The following SBF2 variants were observed in gnomAD, a reference collection of about 807,000 sequenced individuals.
The protein encoded by SBF2 is myotubularin-related protein 13.
SBF2 carries 112 observed loss-of-function variants against 225.2 expected under a neutral mutation model. The ratio of observed to expected loss-of-function variants is 0.50; its 90% CI spans 0.43 to 0.58. The LOEUF (loss-of-function observed/expected upper bound fraction) is 0.58, where lower values mean the gene tolerates loss of function less well. Ranked by LOEUF, SBF2 falls within the 20% of genes least tolerant of loss-of-function variation. The pLI is 0.00. For synonymous variants in SBF2, 763 were observed against 773.3 expected, an observed-to-expected ratio of 0.99 and a Z score of 0.22; for missense variants, 1,996 against 2,206.2, an observed-to-expected ratio of 0.90 and a Z score of 1.91.
At chr11:9,974,970 AAAAAAAAAAAAAAAAAAAG>A (rs1205326092) in intron 13 of SBF2, among the ~76,000 whole-genome samples, 7 of 89,500 alleles carry the variant, frequency 7.8e-5, no homozygotes, top group Admixed American at 1.5e-4. Flanking sequence ...CAAAAAAAAA[AAAAAAAAAAAAAAAAAAAG>A]AAAAAAAGAA....
chr11:10,287,216 G>A (rs1963854554), intron 1 of SBF2, among the ~76,000 whole-genome samples: 2 of 152,170 alleles, frequency 1.3e-5, no homozygotes, highest in Admixed American at 6.5e-5. Context: ...ATGCTAGAAA[G>A]GGAACTGACT....
intron 16 of SBF2, among the ~76,000 whole-genome samples, chr11:9,926,194 C>G (rs1864029904): frequency 6.6e-6 from 1 of 152,084 alleles, no homozygotes; most frequent in African/African-American, 2.4e-5. Flanking sequence ...TTGGTCATTT[C>G]TACACTGCAT....
chr11:9,799,616 T>C (rs1181711217), intron 32 of SBF2, among the ~76,000 whole-genome samples: 1 of 152,242 alleles, frequency 6.6e-6, no homozygotes, highest in Non-Finnish European at 1.5e-5. Flanking sequence ...AGTACCTAGA[T>C]ACCACGTTTA....
chr11:9,951,366 TATTATAGAAATGGGTCA>T (rs1865853104), intron 16 of SBF2, among the ~76,000 whole-genome samples: 1 of 152,178 alleles, frequency 6.6e-6, no homozygotes, highest in Non-Finnish European at 1.5e-5. Flanking sequence ...AGAACAGTTA[TATTATAGAAATGGGTCA>T]GGATGGAGGT....
intron 32 of SBF2, among the ~76,000 whole-genome samples, chr11:9,800,382 T>A (rs1293664977): frequency 6.6e-6 from 1 of 152,076 alleles, no homozygotes; most frequent in Non-Finnish European, 1.5e-5. Flanking sequence ...CAGGGATTTT[T>A]AAAAAGTATT....
chr11:10,199,952 T>C (rs1957514639), intron 1 of SBF2, among the ~76,000 whole-genome samples: 1 of 152,196 alleles, frequency 6.6e-6, no homozygotes, highest in Non-Finnish European at 1.5e-5. Flanking sequence ...ATCCCACTTC[T>C]GGGTATATTT....
intron 27 of SBF2, among the ~76,000 whole-genome samples, chr11:9,830,745 C>CG (rs1855340609): frequency 9.0e-6 from 1 of 111,132 alleles, no homozygotes; most frequent in Admixed American, 9.2e-5. Context: ...AGCTCAAAAA[C>CG]AAAAAAAAAA....
At chr11:10,102,177 CTTCT>C (rs539586858) in intron 2 of SBF2, among the ~76,000 whole-genome samples, 1 of 152,140 alleles carries the variant, frequency 6.6e-6, no homozygotes, top group African/African-American at 2.4e-5. Context: ...TCATAAACTG[CTTCT>C]TTGACTTTTG....
At chr11:9,814,362 T>A (rs535031952) in intron 29 of SBF2, among the ~76,000 whole-genome samples, 61 of 152,302 alleles carry the variant, frequency 4.0e-4, no homozygotes, top group African/African-American at 1.3e-3. Flanking sequence ...TAATACTGAG[T>A]CATACACTTA....
At chr11:9,888,941 T>C (rs1012548712) in intron 17 of SBF2, among the ~76,000 whole-genome samples, 5 of 152,186 alleles carry the variant, frequency 3.3e-5, no homozygotes, top group Admixed American at 6.5e-5. Flanking sequence ...ATCTTGTATA[T>C]AGTAAAAGTT....
At chr11:9,841,579 C>T (rs1856150816) in intron 25 of SBF2, among the ~76,000 whole-genome samples, 1 of 150,968 alleles carries the variant, frequency 6.6e-6, no homozygotes, top group African/African-American at 2.4e-5. Context: ...CCGACCCAGG[C>T]TGGAGTGCAG....
At chr11:10,257,127 A>G (rs2135501865) in intron 1 of SBF2, among the ~76,000 whole-genome samples, 1 of 152,356 alleles carries the variant, frequency 6.6e-6, no homozygotes, top group East Asian at 1.9e-4. Flanking sequence ...CCAAGATCAC[A>G]TCTAATAAAT....
chr11:10,228,832 A>C (rs1044175851), intron 1 of SBF2, among the ~76,000 whole-genome samples: 22 of 152,286 alleles, frequency 1.4e-4, no homozygotes, highest in Admixed American at 1.4e-3. Context: ...CTGGCCTCAT[A>C]AAATGAGTTA....
At chr11:10,062,962 G>C (rs1001567114) in intron 2 of SBF2, among the ~76,000 whole-genome samples, 22 of 152,066 alleles carry the variant, frequency 1.4e-4, no homozygotes, top group Admixed American at 8.5e-4. Flanking sequence ...TGACAGACAG[G>C]ATAAAGAAAA....
intron 7 of SBF2, 58 bp downstream of exon 7, chr11:10,002,499 T>C (rs991148362): frequency 5.1e-6 from 7 of 1,381,630 alleles, no homozygotes; most frequent in African/African-American, 2.9e-5. Flanking sequence ...TTATGACTTA[T>C]CAACGATAAG....
At chr11:10,173,428 C>T (rs1473274502) in intron 2 of SBF2, among the ~76,000 whole-genome samples, 1 of 152,210 alleles carries the variant, frequency 6.6e-6, no homozygotes, top group Admixed American at 6.5e-5. Context: ...AGTTCACTCC[C>T]ACCCGAATAC....
intron 17 of SBF2, among the ~76,000 whole-genome samples, chr11:9,881,912 C>G (rs1859793708): frequency 6.6e-6 from 1 of 152,052 alleles, no homozygotes; most frequent in African/African-American, 2.4e-5. Flanking sequence ...CCCTTGAGAC[C>G]AGGAGTTTGA....
At chr11:9,800,291 T>C (rs1287215001) in intron 32 of SBF2, among the ~76,000 whole-genome samples, 2 of 152,150 alleles carry the variant, frequency 1.3e-5, no homozygotes, top group Non-Finnish European at 2.9e-5. Flanking sequence ...TTTCTTTATG[T>C]GTTCTAGATA....
intron 3 of SBF2, among the ~76,000 whole-genome samples, chr11:10,035,881 T>C (rs1192023271): frequency 6.6e-6 from 1 of 152,142 alleles, no homozygotes; most frequent in Non-Finnish European, 1.5e-5. Flanking sequence ...GAACTAGAAA[T>C]GCCATTTCAC....
Sources: gnomAD v4.1 joint callset for allele counts (sites outside exome capture counted in the v4.1 genomes callset) on GRCh38, gnomAD v4.1.1 for gene constraint, MANE v1.5 for transcripts, NCBI Gene and HGNC (gene_info 2026-07-23, HGNC 2026-07-21) for gene names.